Variants in KDM5C observed in about 807,000 individuals in gnomAD.
KDM5C encodes the protein lysine-specific demethylase 5C.
KDM5C carries 16 observed loss-of-function variants against 110.6 expected under a neutral mutation model. That is an observed-to-expected ratio of 0.14 (90% CI 0.10 to 0.22). The LOEUF (loss-of-function observed/expected upper bound fraction) is 0.22. Ranked by LOEUF, KDM5C falls within the 10% of genes least tolerant of loss-of-function variation. The pLI is 1.00. For synonymous variants in KDM5C, 511 were observed against 520.4 expected, an observed-to-expected ratio of 0.98 and a Z score of 0.24; for missense variants, 681 against 1,300.9, an observed-to-expected ratio of 0.52 and a Z score of 7.33.
chrX:53,195,451 A>G lies in KDM5C; in HGVS notation c.3121-41T>C, dbSNP rs1556836059. Reference sequence around the variant, plus strand: ...AGAGACAGCTCAGTTCAACTTGCCAATGCTATTGATGCTTACTCTGTGCCT... The same window carrying G: ...AGAGACAGCTCAGTTCAACTTGCCAGTGCTATTGATGCTTACTCTGTGCCT... On this transcript the variant is annotated intron_variant, in intron 20 of 25. Coordinates refer to ENST00000375401, the MANE Select transcript of KDM5C (RefSeq NM_004187.5). 6 of 1,082,229 alleles carry G rather than the reference A, an allele frequency of 5.5e-6. No homozygotes were observed. The South Asian group carries it at 7.8e-5, about 14-fold the overall frequency. The allele number at this position is 1,082,229 out of a possible 1,213,427, so 89.2% of individuals were successfully genotyped here.
At position 53,198,530 on chromosome X, in the gene KDM5C, C is replaced by A. The variant is rs1556839436; in HGVS notation, c.2476G>T (p.Val826Leu). The A allele has an allele frequency of 8.3e-7, 1 of 1,206,559 alleles. No homozygotes were observed. The highest frequency in any genetic ancestry group is 1.1e-6 in the Non-Finnish European group (1 of 893,275). Residue 826 changes from valine to leucine, a missense_variant, in exon 17 of 26, where the codon GTG becomes TTG. Physicochemically the swap from Val to Leu is conservative, Grantham distance 32. Coordinates refer to ENST00000375401, the MANE Select transcript of KDM5C (RefSeq NM_004187.5). Reference protein sequence around the residue: ...KNCLSEAEACVSRALGLVSGQ... With the variant: ...KNCLSEAEACLSRALGLVSGQ... ...CTGACCAGTCCCAGAGCTCGGGACA[C>A]GCAAGCCTCTGCCTCACTCAGGCAG...
At chrX:53,220,781 G>A in intron 2 of KDM5C, 58 bp downstream of exon 2, 1 of 956,765 alleles carries the variant, frequency 1.0e-6, no homozygotes, top group Non-Finnish European at 1.5e-6. Context: ...AAGGGAAGTG[G>A]GATTAGAACT....
chrX:53,206,557 G>A (rs2073334952), intron 12 of KDM5C, among the ~76,000 whole-genome samples: 1 of 111,182 alleles, frequency 9.0e-6, no homozygotes, highest in Non-Finnish European at 1.9e-5. Context: ...AATATGCTAG[G>A]TACATAGGTA....
At chrX:53,216,400 A>G (rs1466140037) in intron 5 of KDM5C, among the ~76,000 whole-genome samples, 1 of 112,244 alleles carries the variant, frequency 8.9e-6, no homozygotes, top group African/African-American at 3.2e-5. Flanking sequence ...GAAAGGAATA[A>G]AAGACAGGAT....
downstream of KDM5C, among the ~76,000 whole-genome samples, chrX:53,188,781 C>A (rs185474256): frequency 5.4e-5 from 6 of 111,844 alleles, no homozygotes; most frequent in East Asian, 1.7e-3. Context: ...TGGGCACTCT[C>A]CTTCTATCTC....
intron 25 of KDM5C, among the ~76,000 whole-genome samples, chrX:53,182,085 G>T (rs782176589): frequency 5.0e-4 from 53 of 105,023 alleles, no homozygotes; most frequent in Middle Eastern, 4.9e-3. Context: ...ACCCTTTTTT[G>T]TTTTTTTTTT....
At chrX:53,215,068 G>C in intron 7 of KDM5C, 1 of 493,227 alleles carries the variant, frequency 2.0e-6, no homozygotes, top group Non-Finnish European at 3.6e-6. Context: ...TACTAAACCC[G>C]TATTCAGAAC....
intron 25 of KDM5C, among the ~76,000 whole-genome samples, chrX:53,184,730 T>C (rs1934170874): frequency 8.9e-6 from 1 of 112,247 alleles, no homozygotes; most frequent in Admixed American, 9.5e-5. Flanking sequence ...AGTATTTTGT[T>C]GGGGATTTTG....
chrX:53,193,955 G>A, intron 23 of KDM5C, 104 bp from the exon 24 acceptor site: 1 of 958,697 alleles, frequency 1.0e-6, no homozygotes, highest in Non-Finnish European at 1.5e-6. Flanking sequence ...TTCTGGAGGA[G>A]GAGGGAAGAC....
chrX:53,215,322 A>T, intron 7 of KDM5C: 1 of 311,196 alleles, frequency 3.2e-6, no homozygotes, highest in East Asian at 9.1e-5. Context: ...AAACATGGCA[A>T]CAGGGCAGAG....
At chrX:53,188,469 G>A (rs782706474), downstream of KDM5C, among the ~76,000 whole-genome samples, 23 of 109,180 alleles carry the variant, frequency 2.1e-4, no homozygotes, top group Non-Finnish European at 2.9e-4. Context: ...TCTGCCTCCC[G>A]GGTTCAAGCA....
intron 10 of KDM5C, 42 bp downstream of exon 10, chrX:53,211,455 A>C (rs1556848741): frequency 8.4e-7 from 1 of 1,186,568 alleles, no homozygotes; most frequent in Admixed American, 2.2e-5. Flanking sequence ...TGATTTGCCT[A>C]AGCTCACACA....
At chrX:53,190,271 A>G (rs900351924), downstream of KDM5C, among the ~76,000 whole-genome samples, 9 of 112,712 alleles carry the variant, frequency 8.0e-5, no homozygotes, top group Non-Finnish European at 1.5e-4. Context: ...CCTCTCCTGC[A>G]GAGTTCATGG....
intron 12 of KDM5C, among the ~76,000 whole-genome samples, chrX:53,207,917 G>A (rs1556846497): frequency 9.9e-6 from 1 of 100,783 alleles, no homozygotes. Context: ...AGCCGAGATC[G>A]TGCCACTGCA....
At chrX:53,215,609 T>A (rs2073717296) in intron 7 of KDM5C, 186 bp downstream of exon 7, 1 of 479,675 alleles carries the variant, frequency 2.1e-6, no homozygotes, top group Non-Finnish European at 3.7e-6. Context: ...CAGCACTTGA[T>A]CACCCTTTCT....
At chrX:53,219,393 T>C (rs1278251067) in intron 2 of KDM5C, among the ~76,000 whole-genome samples, 4 of 112,469 alleles carry the variant, frequency 3.6e-5, no homozygotes, top group African/African-American at 9.7e-5. Context: ...GCTATAACTA[T>C]AGACAGAATG....
chrX:53,194,827 A>G (rs1556835181), intron 22 of KDM5C, 89 bp from the exon 23 acceptor site: 1 of 1,183,166 alleles, frequency 8.5e-7, no homozygotes. Flanking sequence ...CTCCCAAACC[A>G]GGAGAACTGA....
chrX:53,217,415 G>C, intron 4 of KDM5C, 138 bp from the exon 5 acceptor site: 1 of 730,330 alleles, frequency 1.4e-6, no homozygotes. Context: ...TGTTCCACTG[G>C]TCTTTAGCAC....
chrX:53,190,648 C>T (rs6654690), downstream of KDM5C, among the ~76,000 whole-genome samples: 489 of 111,622 alleles, frequency 4.4e-3, 5 homozygotes, highest in African/African-American at 0.015. Context: ...AAGCTGGACC[C>T]GGCAGGGTTG....
Sources: gnomAD v4.1 joint callset for allele counts (sites outside exome capture counted in the v4.1 genomes callset) on GRCh38, gnomAD v4.1.1 for gene constraint, MANE v1.5 for transcripts, NCBI Gene and HGNC (gene_info 2026-07-23, HGNC 2026-07-21) for gene names.